Variants in ZCCHC7 observed in about 807,000 individuals in gnomAD.
The protein encoded by ZCCHC7 is zinc finger CCHC-type containing 7.
ZCCHC7 carries 35 observed loss-of-function variants against 52.0 expected under a neutral mutation model. The observed-to-expected ratio is 0.67, with a 90% CI of 0.51 to 0.89. The LOEUF is 0.89. Ranked by LOEUF, ZCCHC7 falls within the 40% of genes least tolerant of loss-of-function variation. ZCCHC7 has a pLI of 0.00. For missense variants in ZCCHC7, 574 were observed against 649.1 expected (o/e 0.88, Z 1.26); for synonymous variants, 217 against 221.5 (o/e 0.98, Z 0.18).
chr9:37,227,045 A>C (rs956652378), intron 2 of ZCCHC7, among the ~76,000 whole-genome samples: 1 of 151,850 alleles, frequency 6.6e-6, no homozygotes, highest in Non-Finnish European at 1.5e-5. Flanking sequence ...AAAAAAAAAA[A>C]ACCAGGATAT....
At chr9:37,121,885 A>C (rs1842330546) in intron 1 of ZCCHC7, among the ~76,000 whole-genome samples, 1 of 152,220 alleles carries the variant, frequency 6.6e-6, no homozygotes, top group African/African-American at 2.4e-5. Flanking sequence ...TCTCCATCCC[A>C]ATCAGATTTG....
intron 2 of ZCCHC7, among the ~76,000 whole-genome samples, chr9:37,268,481 C>A (rs1402364453): frequency 6.6e-6 from 1 of 151,320 alleles, no homozygotes; most frequent in African/African-American, 2.4e-5. Flanking sequence ...GGCTGGAGTG[C>A]AGTGGCGCGA....
chr9:37,198,010 A>T (rs1823379617), intron 2 of ZCCHC7, among the ~76,000 whole-genome samples: 1 of 152,202 alleles, frequency 6.6e-6, no homozygotes, highest in Admixed American at 6.5e-5. Flanking sequence ...TAAAATGACA[A>T]AATTTGTAAT....
At chr9:37,327,749 T>C in intron 5 of ZCCHC7, 50 bp from the exon 6 acceptor site, 1 of 1,609,916 alleles carries the variant, frequency 6.2e-7, no homozygotes, top group Admixed American at 1.7e-5. Flanking sequence ...CAACAGGCTG[T>C]AAAGTACCTT....
chr9:37,221,867 T>C (rs977294781), intron 2 of ZCCHC7, among the ~76,000 whole-genome samples: 1 of 152,130 alleles, frequency 6.6e-6, no homozygotes, highest in African/African-American at 2.4e-5. Context: ...GTGAAACCAG[T>C]AGTTATTCAT....
intron 2 of ZCCHC7, among the ~76,000 whole-genome samples, chr9:37,162,990 C>G (rs1269050794): frequency 6.6e-6 from 1 of 152,064 alleles, no homozygotes; most frequent in Admixed American, 6.6e-5. Flanking sequence ...ATCATGAGGT[C>G]AAAAGATTGA....
intron 2 of ZCCHC7, among the ~76,000 whole-genome samples, chr9:37,212,019 T>C (rs1824249256): frequency 1.3e-5 from 1 of 74,854 alleles, no homozygotes; most frequent in South Asian, 5.2e-4. Context: ...AGAGCGAGAC[T>C]CCGTCTCAAA....
At chr9:37,205,197 A>G (rs912493960) in intron 2 of ZCCHC7, 7 of 379,344 alleles carry the variant, frequency 1.8e-5, no homozygotes, top group Non-Finnish European at 2.6e-5. Flanking sequence ...AACAATGCCA[A>G]CAGCGTGCAG....
At chr9:37,167,658 CT>C (rs1218494440) in intron 2 of ZCCHC7, among the ~76,000 whole-genome samples, 1 of 152,118 alleles carries the variant, frequency 6.6e-6, no homozygotes, top group African/African-American at 2.4e-5. Flanking sequence ...TATATTCCTA[CT>C]AATATTCTTG....
intron 6 of ZCCHC7, among the ~76,000 whole-genome samples, chr9:37,337,194 A>G (rs2118397503): frequency 6.6e-6 from 1 of 152,314 alleles, no homozygotes; most frequent in Admixed American, 6.5e-5. Context: ...AAATAGATTA[A>G]AAAACAGCAC....
At chr9:37,182,028 A>C (rs955433154) in intron 2 of ZCCHC7, among the ~76,000 whole-genome samples, 1 of 152,110 alleles carries the variant, frequency 6.6e-6, no homozygotes, top group Non-Finnish European at 1.5e-5. Context: ...CAATGTTTTT[A>C]AAAAGGGAGT....
intron 2 of ZCCHC7, among the ~76,000 whole-genome samples, chr9:37,281,751 A>G (rs183703593): frequency 1.3e-3 from 194 of 152,354 alleles, no homozygotes; most frequent in African/African-American, 4.3e-3. Flanking sequence ...TAACTTCAGC[A>G]TATACACATT....
rs1821777964 is a variant in ZCCHC7 at position 37,357,381 on chromosome 9, G to T, written c.*113G>T. ...TTAAATAAAGTGAGTTTTTGGTTTT[G>T]TTTTTTTAATTTCAGCCATTCCTAG... On this transcript the variant is annotated 3_prime_UTR_variant, in exon 9 of 9. Coordinates refer to ENST00000336755, the MANE Select transcript of ZCCHC7 (RefSeq NM_032226.3). The T allele has an allele frequency of 9.2e-7, 1 of 1,086,312 alleles. No homozygotes were observed. The highest frequency in any genetic ancestry group is 1.3e-6 in the Non-Finnish European group (1 of 793,428). 67.3% of individuals were successfully genotyped at this position (1,086,312 alleles called of 1,614,324 possible). A position where few individuals can be genotyped will look rare whatever the true frequency, so the allele number is the denominator to read the frequency against.
chr9:37,167,320 T>A (rs563490449), intron 2 of ZCCHC7, among the ~76,000 whole-genome samples: 2 of 152,032 alleles, frequency 1.3e-5, no homozygotes, highest in East Asian at 3.9e-4. Context: ...CAGGCTGGTC[T>A]TGAACTCCTG....
intron 6 of ZCCHC7, among the ~76,000 whole-genome samples, chr9:37,328,525 C>T (rs944377770): frequency 3.9e-5 from 6 of 151,950 alleles, no homozygotes; most frequent in Admixed American, 1.3e-4. Context: ...CCCTACTACT[C>T]ACTTCTTTTA....
At chr9:37,309,852 G>T (rs531363318) in intron 5 of ZCCHC7, among the ~76,000 whole-genome samples, 1 of 151,134 alleles carries the variant, frequency 6.6e-6, no homozygotes, top group Non-Finnish European at 1.5e-5. Flanking sequence ...AACCCAGGAC[G>T]CAGAGGTTTC....
chr9:37,227,864 C>G (rs1253689873), intron 2 of ZCCHC7, among the ~76,000 whole-genome samples: 2 of 151,866 alleles, frequency 1.3e-5, no homozygotes, highest in Non-Finnish European at 2.9e-5. Context: ...TGCAGTGGGG[C>G]ACGACACAGC....
intron 2 of ZCCHC7, among the ~76,000 whole-genome samples, chr9:37,260,439 G>A (rs1826810786): frequency 6.6e-6 from 1 of 152,174 alleles, no homozygotes; most frequent in South Asian, 2.1e-4. Flanking sequence ...TGTCCCACTG[G>A]TCTTCATCTA....
At chr9:37,245,897 A>G (rs1360142909) in intron 2 of ZCCHC7, among the ~76,000 whole-genome samples, 2 of 152,056 alleles carry the variant, frequency 1.3e-5, no homozygotes, top group Admixed American at 6.6e-5. Flanking sequence ...GCTGGACCAT[A>G]GGTTTTAAAG....
Sources: gnomAD v4.1 joint callset for allele counts (sites outside exome capture counted in the v4.1 genomes callset) on GRCh38, gnomAD v4.1.1 for gene constraint, MANE v1.5 for transcripts, NCBI Gene and HGNC (gene_info 2026-07-23, HGNC 2026-07-21) for gene names.